CSMD1: variants seen among roughly 807,000 people sequenced by gnomAD.
CSMD1 encodes the protein CUB and sushi domain-containing protein 1.
In CSMD1, 213 loss-of-function variants were observed where a neutral mutation model predicts 417.5. That is an observed-to-expected ratio of 0.51 (90% CI 0.46 to 0.57). The LOEUF is 0.57. Among genes scored for constraint, CSMD1 ranks in the 20% least tolerant of loss-of-function variants. The probability of loss-of-function intolerance (pLI) is 0.00; values close to 1 mark genes in which losing one functional copy is unlikely to be tolerated. For synonymous variants in CSMD1, 2,862 were observed against 1,736.8 expected, an observed-to-expected ratio of 1.65 and a Z score of -16.11; for missense variants, 6,923 against 4,529.7, an observed-to-expected ratio of 1.53 and a Z score of -15.17.
chr8:3,229,706 C>T (rs1406014702), intron 27 of CSMD1, among the ~76,000 whole-genome samples: 1 of 152,050 alleles, frequency 6.6e-6, no homozygotes, highest in African/African-American at 2.4e-5. Flanking sequence ...TATTAAAAAT[C>T]AGAATAGCAA....
intron 3 of CSMD1, among the ~76,000 whole-genome samples, chr8:4,364,925 C>A (rs1420279938): frequency 6.8e-6 from 1 of 147,124 alleles, no homozygotes; most frequent in African/African-American, 2.5e-5. Flanking sequence ...AAATATTGAA[C>A]CTAAATCAAA....
At chr8:4,626,406 G>T (rs1031297261) in intron 2 of CSMD1, among the ~76,000 whole-genome samples, 3 of 152,108 alleles carry the variant, frequency 2.0e-5, no homozygotes, top group African/African-American at 7.2e-5. Context: ...TATGTGGAAG[G>T]AAGTAGTAGT....
Position 4,088,802 on chromosome 8 carries a change from A to C in CSMD1, c.416-56703T>G, listed in dbSNP as rs1486303399. ...CCACCCTCCCAGACCAAACACATTG[A>C]TCCCTCAGCATGTGGACTCATCCCT... On this transcript the variant is annotated intron_variant, in intron 3 of 69. Coordinates refer to ENST00000635120, the MANE Select transcript of CSMD1 (RefSeq NM_033225.6). 2.6e-5 allele frequency among the ~76,000 whole-genome samples: 4 copies of C among 151,890 alleles called. No homozygotes were observed. The East Asian group carries it at 7.8e-4, about 30-fold the overall frequency.
chr8:4,246,138 T>A (rs984740669), intron 3 of CSMD1, among the ~76,000 whole-genome samples: 14 of 152,164 alleles, frequency 9.2e-5, no homozygotes, highest in South Asian at 2.1e-4. Flanking sequence ...ATATTAAGCC[T>A]AGTACCCATT....
chr8:4,146,116 G>A (rs991705323), intron 3 of CSMD1, among the ~76,000 whole-genome samples: 9 of 150,794 alleles, frequency 6.0e-5, no homozygotes, highest in Non-Finnish European at 1.0e-4. Flanking sequence ...AATGGCAGTC[G>A]GTGAGGAATT....
At chr8:4,469,471 A>T (rs578221038) in intron 2 of CSMD1, among the ~76,000 whole-genome samples, 1 of 152,312 alleles carries the variant, frequency 6.6e-6, no homozygotes, top group East Asian at 1.9e-4. Context: ...TAGAGAACCA[A>T]TTCAGATCAA....
intron 2 of CSMD1, among the ~76,000 whole-genome samples, chr8:4,445,430 A>T (rs1004020340): frequency 6.6e-6 from 1 of 152,212 alleles, no homozygotes; most frequent in Middle Eastern, 3.2e-3. Context: ...TTACTGTACC[A>T]AATCGTCTTT....
chr8:4,904,142 G>T (rs1805081490), intron 1 of CSMD1, among the ~76,000 whole-genome samples: 1 of 152,128 alleles, frequency 6.6e-6, no homozygotes, highest in African/African-American at 2.4e-5. Context: ...TGGAGTCAGA[G>T]GAAGTCAGGG....
intron 2 of CSMD1, among the ~76,000 whole-genome samples, chr8:4,494,541 T>C (rs1416242020): frequency 6.6e-6 from 1 of 152,242 alleles, no homozygotes. Context: ...ATAAACATTA[T>C]TGGAGATTTA....
At chr8:3,112,427 C>T (rs929123811) in intron 42 of CSMD1, among the ~76,000 whole-genome samples, 10 of 152,276 alleles carry the variant, frequency 6.6e-5, no homozygotes, top group Non-Finnish European at 1.3e-4. Flanking sequence ...CCATCGTTCC[C>T]ACCTCTTAAA....
chr8:3,086,959 A>T, intron 49 of CSMD1, 138 bp downstream of exon 49: 1 of 795,420 alleles, frequency 1.3e-6, no homozygotes, highest in African/African-American at 1.7e-5. Flanking sequence ...TAGAAGGTTT[A>T]ATTCGTACTG....
intron 3 of CSMD1, among the ~76,000 whole-genome samples, chr8:4,348,035 G>A (rs1031312086): frequency 2.0e-5 from 3 of 152,116 alleles, no homozygotes; most frequent in Admixed American, 1.3e-4. Context: ...GAAAAAAACA[G>A]ATTAGTTACA....
chr8:4,077,299 A>ATATATATATATATATATATATATATGGG (rs1563092783), intron 3 of CSMD1, among the ~76,000 whole-genome samples: 11 of 66,082 alleles, frequency 1.7e-4, no homozygotes, highest in African/African-American at 4.2e-4. Context: ...ATATATGTGT[A>ATATATATATATATATATATATATATGGG]TATATATATA....
At chr8:3,917,850 A>G (rs559740618) in intron 5 of CSMD1, among the ~76,000 whole-genome samples, 2 of 152,148 alleles carry the variant, frequency 1.3e-5, no homozygotes, top group African/African-American at 4.8e-5. Flanking sequence ...TAAGATCTAC[A>G]TGCTTAGAAA....
At chr8:4,943,167 T>C (rs1441235840) in intron 1 of CSMD1, among the ~76,000 whole-genome samples, 1 of 152,176 alleles carries the variant, frequency 6.6e-6, no homozygotes, top group African/African-American at 2.4e-5. Flanking sequence ...AGGTCTTCAT[T>C]ATGTATACCG....
At chr8:3,131,471 A>AT (rs36009515) in intron 41 of CSMD1, among the ~76,000 whole-genome samples, 3,228 of 142,220 alleles carry the variant, frequency 0.023, 108 homozygotes, top group African/African-American at 0.065. Flanking sequence ...GCTAATACTA[A>AT]TTTTTTTTTT....
At chr8:3,855,265 T>C (rs1384142777) in intron 5 of CSMD1, among the ~76,000 whole-genome samples, 1 of 152,206 alleles carries the variant, frequency 6.6e-6, no homozygotes, top group East Asian at 1.9e-4. Flanking sequence ...TTTACTATAT[T>C]GCATACAAAA....
intron 3 of CSMD1, among the ~76,000 whole-genome samples, chr8:4,292,241 G>A (rs574502016): frequency 2.7e-5 from 4 of 149,216 alleles, no homozygotes; most frequent in African/African-American, 7.8e-5. Flanking sequence ...TTTTGTTGTC[G>A]TCGTTGTTGT....
intron 42 of CSMD1, among the ~76,000 whole-genome samples, chr8:3,113,856 C>G (rs6558722): frequency 0.43 from 65,154 of 152,008 alleles, 15,940 homozygotes; most frequent in African/African-American, 0.67. Flanking sequence ...ACCTTTTCCT[C>G]TCTTTATGCA....
Sources: gnomAD v4.1 joint callset for allele counts (sites outside exome capture counted in the v4.1 genomes callset) on GRCh38, gnomAD v4.1.1 for gene constraint, MANE v1.5 for transcripts, NCBI Gene and HGNC (gene_info 2026-07-23, HGNC 2026-07-21) for gene names.